The following LEF1 variants were observed in gnomAD, a reference collection of about 807,000 sequenced individuals.
LEF1 encodes lymphoid enhancer binding factor 1.
In LEF1, 14 loss-of-function variants were observed where a neutral mutation model predicts 51.2. The ratio of observed to expected loss-of-function variants is 0.27; its 90% CI spans 0.18 to 0.43. The LOEUF is 0.43. Among genes scored for constraint, LEF1 ranks in the 20% least tolerant of loss-of-function variants. LEF1 has a pLI of 1.00. For missense variants in LEF1, 386 were observed against 512.0 expected (o/e 0.75, Z 2.37); for synonymous variants, 185 against 183.2 (o/e 1.01, Z -0.08).
At chr4:108,151,961 G>C (rs988879450) in intron 3 of LEF1, among the ~76,000 whole-genome samples, 1 of 152,158 alleles carries the variant, frequency 6.6e-6, no homozygotes, top group Non-Finnish European at 1.5e-5. Context: ...TCTGTGGCAA[G>C]TAATATAACA....
At chr4:108,061,034 T>C (rs1228003722) in intron 11 of LEF1, among the ~76,000 whole-genome samples, 2 of 152,202 alleles carry the variant, frequency 1.3e-5, no homozygotes, top group Non-Finnish European at 2.9e-5. Context: ...CTCTCTACTC[T>C]ACAATTCTTA....
intron 7 of LEF1, 103 bp from the exon 8 acceptor site, chr4:108,078,485 G>A: frequency 1.4e-6 from 2 of 1,459,646 alleles, no homozygotes; most frequent in East Asian, 2.3e-5. Flanking sequence ...CTACACTCAG[G>A]ATGGCGACAA....
At chr4:108,048,925 A>G (rs946841634) in intron 11 of LEF1, among the ~76,000 whole-genome samples, 174 bp from the exon 12 acceptor site, 8 of 152,190 alleles carry the variant, frequency 5.3e-5, no homozygotes, top group Non-Finnish European at 1.0e-4. Context: ...CTGAGAGTAC[A>G]CTACAGAGTT....
At chr4:108,083,725 C>G (rs567232538) in intron 4 of LEF1, among the ~76,000 whole-genome samples, 13 of 152,174 alleles carry the variant, frequency 8.5e-5, no homozygotes, top group African/African-American at 2.9e-4. Context: ...ATTTGTTTTG[C>G]CCTCAATATT....
intron 3 of LEF1, among the ~76,000 whole-genome samples, chr4:108,155,679 A>C (rs1226816608): frequency 6.6e-6 from 1 of 152,224 alleles, no homozygotes; most frequent in East Asian, 1.9e-4. Context: ...GCTTTGTGCC[A>C]TATGAACTTC....
Position 108,067,128 on chromosome 4 carries a change from A to T in LEF1, c.1117-2744T>A, listed in dbSNP as rs192599778. Among the ~76,000 whole-genome samples the T allele has an allele frequency of 2.3e-3, 345 of 152,316 alleles. 1 individual carries two copies. Among genetic ancestry groups the T allele is most frequent in the South Asian group, 0.016 (78 of 4,826 alleles). ...TTCTGTTTGCCTCAGTAATTGAATG[A>T]CTTATTTTGATTATGATGAAAACAC... is the stretch of plus-strand genomic sequence containing the variant. On this transcript the variant is annotated intron_variant, in intron 9 of 11. Transcript: ENST00000265165.
chr4:108,147,922 A>G (rs1578397315), intron 3 of LEF1, among the ~76,000 whole-genome samples: 2 of 152,356 alleles, frequency 1.3e-5, no homozygotes, highest in Admixed American at 1.3e-4. Flanking sequence ...CTCAGCCACT[A>G]CATGACATAT....
intron 3 of LEF1, among the ~76,000 whole-genome samples, chr4:108,108,071 G>A (rs543102939): frequency 4.3e-4 from 65 of 152,266 alleles, no homozygotes; most frequent in South Asian, 2.9e-3. Context: ...GCTGGTCTTC[G>A]CTTTAATTCA....
At position 108,048,579 on chromosome 4, in the gene LEF1, T is replaced by C; in HGVS notation, c.*179A>G. On this transcript the variant is annotated 3_prime_UTR_variant, in exon 12 of 12. Transcript: ENST00000265165. Reference sequence around the variant, plus strand: ...GAGGGGTTGGCAGTGATTGTCTTTATGGATCAGCGTCTCTAGCAGTGACCT... The same window carrying C: ...GAGGGGTTGGCAGTGATTGTCTTTACGGATCAGCGTCTCTAGCAGTGACCT... 3.0e-6 allele frequency: 2 copies of C among 662,486 alleles called. No individual in the cohort carries two copies. The highest frequency in any genetic ancestry group is 4.8e-6 in the Non-Finnish European group (2 of 417,440). The allele number at this position is 662,486 out of a possible 1,614,324, so 41.0% of individuals were successfully genotyped here.
chr4:108,112,451 C>T (rs975182199), intron 3 of LEF1, among the ~76,000 whole-genome samples: 1 of 152,226 alleles, frequency 6.6e-6, no homozygotes, highest in Non-Finnish European at 1.5e-5. Context: ...CCCATGGGCA[C>T]ACAGCCATGA....
chr4:108,163,723 T>G (rs957980764), intron 2 of LEF1, 22 bp from the exon 3 acceptor site: 1 of 1,611,158 alleles, frequency 6.2e-7, no homozygotes, highest in Non-Finnish European at 8.5e-7. Flanking sequence ...CAAAGAACAA[T>G]CAATGATGCA....
At chr4:108,100,200 G>A (rs538230690) in intron 3 of LEF1, among the ~76,000 whole-genome samples, 5 of 152,156 alleles carry the variant, frequency 3.3e-5, no homozygotes, top group African/African-American at 4.8e-5. Flanking sequence ...AAAGAAAGCA[G>A]ATTACGTAAA....
rs552105233 is a variant in LEF1, at chr4:108,106,502, G to A, written c.415-17245C>T. 2.1e-4 allele frequency among the ~76,000 whole-genome samples: 32 copies of A among 152,222 alleles called. No homozygotes were observed. The South Asian group carries it at 6.6e-3, about 32-fold the overall frequency. Reference sequence around the variant, plus strand: ...GGCAGGCAGGATGAGGAAAGATGATGGGCTTCATTTTCAGTGTCCAGTGGA... The same window carrying A: ...GGCAGGCAGGATGAGGAAAGATGATAGGCTTCATTTTCAGTGTCCAGTGGA... On this transcript the variant is annotated intron_variant, in intron 3 of 11. Coordinates refer to ENST00000265165, the MANE Select transcript of LEF1 (RefSeq NM_016269.5).
At chr4:108,088,634 G>C (rs1211654561) in intron 4 of LEF1, among the ~76,000 whole-genome samples, 1 of 152,216 alleles carries the variant, frequency 6.6e-6, no homozygotes, top group Non-Finnish European at 1.5e-5. Flanking sequence ...ACTTTAAATA[G>C]AGGTTTTATA....
intron 3 of LEF1, among the ~76,000 whole-genome samples, chr4:108,099,550 G>GTATA (rs1740622728): frequency 4.5e-5 from 2 of 44,742 alleles, no homozygotes; most frequent in African/African-American, 1.1e-4. Flanking sequence ...ATATGTGTGT[G>GTATA]TGTGTATGTG....
intron 3 of LEF1, among the ~76,000 whole-genome samples, chr4:108,104,461 A>G (rs1158083347): frequency 6.8e-6 from 1 of 147,872 alleles, no homozygotes; most frequent in Non-Finnish European, 1.5e-5. Context: ...TATTATATAT[A>G]AATTATATAT....
chr4:108,132,659 C>CTTTTTTTT (rs749911957), intron 3 of LEF1, among the ~76,000 whole-genome samples: 723 of 47,438 alleles, frequency 0.015, 209 homozygotes, highest in African/African-American at 0.051. Context: ...GAAAATCTGC[C>CTTTTTTTT]TTTTTTTTTT....
In LEF1 at chr4:108,163,683, C is replaced by A. The variant is rs1196942311; in HGVS notation, c.299G>T (p.Gly100Val). 1 of 1,613,504 alleles carries A rather than the reference C, an allele frequency of 6.2e-7. No individual in the cohort carries two copies. The highest frequency in any genetic ancestry group is 8.5e-7 in the Non-Finnish European group (1 of 1,179,656). ...GTAGGAGGGTCCCTTGTTGTAGAGGCCTCCATCTGGATGCTTTCCTGGGAA... is the reference window on the plus strand; with the variant it reads ...GTAGGAGGGTCCCTTGTTGTAGAGGACTCCATCTGGATGCTTTCCTGGGAA... ...HPDDGKHPDG[G>V]LYNKGPSYSS... The change falls in exon 3 of 12, where the codon GGC (glycine) becomes GTC (valine). Residue 100 changes from glycine (G) to valine (V), a missense_variant. Physicochemically the swap from Gly to Val is moderately radical, Grantham distance 109. Transcript: ENST00000265165.
In LEF1 at chr4:108,163,576, G is replaced by T. The variant is rs1048060629; in HGVS notation, c.406C>A (p.Pro136Thr). The T allele has an allele frequency of 1.2e-6, 2 of 1,612,730 alleles. No homozygotes were observed. The highest frequency in any genetic ancestry group is 2.7e-5 in the African/African-American group (2 of 74,834). ...ATCAGCATGTTACTTACTGTTCTCG[G>T]GATGGGTGGAGAAAGAGATCCATTT... ...MSNGSLSPPI[P>T]RTSNKVPVVQ... Residue 136 changes from proline (P) to threonine (T), a missense_variant, in exon 3 of 12, where the codon CCG becomes ACG. Around this residue, in one of 2 missense-constraint regions of LEF1, gnomAD observed 335 missense variants for 390.7 expected, o/e 0.86. Coordinates refer to ENST00000265165, the MANE Select transcript of LEF1 (RefSeq NM_016269.5).
Sources: allele counts gnomAD v4.1 joint callset (sites outside exome capture counted in the v4.1 genomes callset), GRCh38; gene constraint gnomAD v4.1.1; regional missense constraint gnomAD v4.1.1; transcripts MANE v1.5; gene names NCBI Gene and HGNC (gene_info 2026-07-23, HGNC 2026-07-21).